IL15RA: variants seen among roughly 807,000 people sequenced by gnomAD.
IL15RA encodes interleukin 15 receptor subunit alpha.
A neutral mutation model predicts 24.2 loss-of-function variants in IL15RA; 26 were observed. The observed-to-expected ratio is 1.07, with a 90% CI of 0.79 to 1.49. The LOEUF is 1.49. IL15RA is among the 40% of genes most tolerant of loss of function. The pLI, the probability that IL15RA is intolerant of heterozygous loss-of-function variation, is 0.00. For missense variants in IL15RA, 354 were observed against 356.4 expected (o/e 0.99, Z 0.05); for synonymous variants, 166 against 157.6 (o/e 1.05, Z -0.40).
chr10:5,957,650 C>A (rs8177713), intron 5 of IL15RA, among the ~76,000 whole-genome samples: 4,054 of 147,842 alleles, frequency 0.027, 183 homozygotes, highest in African/African-American at 0.096. Flanking sequence ...TGGAGTGCAG[C>A]GGCTCGAGTT....
In IL15RA at chr10:5,968,526, G is replaced by T. The variant is rs1836998515; in HGVS notation, c.89-2187C>A. The T allele has an allele frequency of 5.9e-6, 3 of 512,512 alleles. No individual in the cohort carries two copies. In the South Asian group the frequency reaches 6.9e-5, roughly 12 times the overall value. The allele number at this position is 512,512 out of a possible 1,614,324, so 31.7% of individuals were successfully genotyped here. On this transcript the variant is annotated intron_variant, in intron 1 of 6. Coordinates refer to ENST00000379977, the MANE Select transcript of IL15RA (RefSeq NM_002189.4). The surrounding 1 kb of genome is among the most constrained non-coding windows in gnomAD (Gnocchi z 5.4). The stretch of plus-strand genomic sequence containing the variant: ...GGACACATCTTCTGCTAAGCTGATG[G>T]CGTGAGAGATGGAGTCGATCTCACA...
chr10:5,972,922 G>T lies in IL15RA; in HGVS notation c.88+4483C>A, dbSNP rs8177773. Among the ~76,000 whole-genome samples, 582 of 152,214 alleles carry T rather than the reference G, an allele frequency of 3.8e-3. 1 individual carries two copies. The highest frequency in any genetic ancestry group is 5.6e-3 in the Non-Finnish European group (384 of 68,010). On this transcript the variant is annotated intron_variant, in intron 1 of 6. Transcript: ENST00000379977. ...ATAAAAAATAAAAGGTTTGGGAAAA[G>T]ACCCCTAAAGTTCTGAAAAATGGCT...
At chr10:5,977,919 C>T (rs1838709495), upstream of IL15RA, 1 of 277,282 alleles carries the variant, frequency 3.6e-6, no homozygotes, top group African/African-American at 2.2e-5. Flanking sequence ...CTCTGCGGCT[C>T]GGATCCACTT....
In IL15RA at chr10:5,960,242, G is replaced by A; in HGVS notation, c.583+125C>T. The A allele has an allele frequency of 2.2e-6, 2 of 911,414 alleles. No homozygotes were observed. Among genetic ancestry groups the A allele is most frequent in the Non-Finnish European group, 3.5e-6 (2 of 571,710 alleles). The allele number at this position is 911,414 out of a possible 1,614,324, so 56.5% of individuals were successfully genotyped here. On this transcript the variant is annotated intron_variant, in intron 4 of 6. Transcript: ENST00000379977. The surrounding 1 kb of genome is among the most constrained non-coding windows in gnomAD (Gnocchi z 5.1). ...ACGCCGTGGCTGGTGGCCGGGGCCAGCAGGCTGCCCAGTGAATCCTGACTT... is the reference window on the plus strand; with the variant it reads ...ACGCCGTGGCTGGTGGCCGGGGCCAACAGGCTGCCCAGTGAATCCTGACTT...
At position 5,960,330 on chromosome 10, in the gene IL15RA, G is replaced by C. The variant is rs778914775; in HGVS notation, c.583+37C>G. On this transcript the variant is annotated intron_variant, in intron 4 of 6. Coordinates refer to ENST00000379977, the MANE Select transcript of IL15RA (RefSeq NM_002189.4). The surrounding 1 kb of genome is among the most constrained non-coding windows in gnomAD (Gnocchi z 5.1). ...AGCCCCGATCTCAGAAGCAGCAATG[G>C]GGAACTGACCTCTCCTGGGGCAAAG... 1 of 1,575,762 alleles carries C rather than the reference G, an allele frequency of 6.3e-7. No homozygotes were observed. Among genetic ancestry groups the C allele is most frequent in the Non-Finnish European group, 8.7e-7 (1 of 1,145,492 alleles).
At chr10:5,976,720 T>C (rs558837590) in intron 1 of IL15RA, among the ~76,000 whole-genome samples, 2 of 152,166 alleles carry the variant, frequency 1.3e-5, no homozygotes, top group Admixed American at 1.3e-4. Context: ...CGCTTTCTTC[T>C]CGAATACACC....
chr10:5,957,517 G>T (rs41294151), intron 5 of IL15RA, among the ~76,000 whole-genome samples: 13,676 of 149,202 alleles, frequency 0.092, 676 homozygotes, highest in Admixed American at 0.13. Context: ...CTCGTGATCC[G>T]CCTGCCTTAG....
rs1458383704 is a variant in IL15RA, at chr10:5,966,033, T to TTTAG, written c.283+108_283+111dup. The stretch of plus-strand genomic sequence containing the variant: ...ACCGTGCCCGGCCCCCACTGGTGTG[T>TTTAG]TTAGCCTCAGACCTCAGCACAGATC... On this transcript the variant is annotated intron_variant, in intron 2 of 6. Coordinates refer to ENST00000379977, the MANE Select transcript of IL15RA (RefSeq NM_002189.4). This position sits in a 1 kb window ranked among gnomAD's most constrained non-coding sequence, Gnocchi z 6.4. 4 of 743,504 alleles carry TTTAG rather than the reference T, an allele frequency of 5.4e-6. No individual in the cohort carries two copies. The highest frequency in any genetic ancestry group is 1.7e-5 in the African/African-American group (1 of 57,578). 46.1% of individuals were successfully genotyped at this position (743,504 alleles called of 1,614,324 possible). A position where few individuals can be genotyped will look rare whatever the true frequency, so the allele number is the denominator to read the frequency against.
chr10:5,965,901 A>C lies in IL15RA; in HGVS notation c.283+244T>G, dbSNP rs1348768044. ...ACGCCCGGCTACTTTTTGTATTTTT[A>C]GTAGAAACGGGGTTTCACCATGTTG... On this transcript the variant is annotated intron_variant, in intron 2 of 6. Coordinates refer to ENST00000379977, the MANE Select transcript of IL15RA (RefSeq NM_002189.4). The surrounding 1 kb of genome is among the most constrained non-coding windows in gnomAD (Gnocchi z 5.8). Among the ~76,000 whole-genome samples the C allele has an allele frequency of 6.6e-6, 1 of 152,110 alleles. No homozygotes were observed. Among genetic ancestry groups the C allele is most frequent in the East Asian group, 1.9e-4 (1 of 5,188 alleles).
Position 5,959,614 on chromosome 10 carries a change from A to T in IL15RA, c.616+140T>A. The T allele has an allele frequency of 4.2e-6, 3 of 718,586 alleles. No homozygotes were observed. The highest frequency in any genetic ancestry group is 2.2e-5 in the Admixed American group (1 of 45,900). 44.5% of individuals were successfully genotyped at this position (718,586 alleles called of 1,614,324 possible). ...TAAATCAGCTATTACTTAACTTATT[A>T]TCTGATGGAGGCCTTCTGAGTGTGG... On this transcript the variant is annotated intron_variant, in intron 5 of 6. Transcript: ENST00000379977. This position sits in a 1 kb window ranked among gnomAD's most constrained non-coding sequence, Gnocchi z 4.1.
At position 5,967,191 on chromosome 10, in the gene IL15RA, A is replaced by G. The variant is rs112937353; in HGVS notation, c.89-852T>C. On this transcript the variant is annotated intron_variant, in intron 1 of 6. Coordinates refer to ENST00000379977, the MANE Select transcript of IL15RA (RefSeq NM_002189.4). This position sits in a 1 kb window ranked among gnomAD's most constrained non-coding sequence, Gnocchi z 4.4. ...GCCTTGCCTTGTCTTGCCTTGCCTT[A>G]CCTTGCCTTACCTTGCCTTGCCTTT... Among the ~76,000 whole-genome samples, 781 of 139,242 alleles carry G rather than the reference A, an allele frequency of 5.6e-3. 7 individuals carry two copies. Among genetic ancestry groups the G allele is most frequent in the African/African-American group, 0.026 (754 of 29,408 alleles). 91.3% of individuals were successfully genotyped at this position (139,242 alleles called of 152,430 possible). A position where few individuals can be genotyped will look rare whatever the true frequency, so the allele number is the denominator to read the frequency against.
chr10:5,976,285 A>AGGG (rs1564525046), intron 1 of IL15RA, among the ~76,000 whole-genome samples: 2 of 144,146 alleles, frequency 1.4e-5, no homozygotes, highest in African/African-American at 2.6e-5. Context: ...TGGGGGTGGC[A>AGGG]GAGGGTGGGG....
downstream of IL15RA, among the ~76,000 whole-genome samples, chr10:5,951,679 T>C (rs760758764): frequency 6.6e-6 from 1 of 152,116 alleles, no homozygotes; most frequent in Non-Finnish European, 1.5e-5. Flanking sequence ...AATATAAATA[T>C]TAGCAGGGTG....
rs553184242 is a variant in IL15RA, at chr10:5,964,454, C to T, written c.284-613G>A. On this transcript the variant is annotated intron_variant, in intron 2 of 6. Coordinates refer to ENST00000379977, the MANE Select transcript of IL15RA (RefSeq NM_002189.4). This position sits in a 1 kb window ranked among gnomAD's most constrained non-coding sequence, Gnocchi z 5.6. ...AAGTGCTGGGATTACAGGTGTAAGC[C>T]ACCATACCTGGCTTACATTTCACTT... 2.6e-5 allele frequency among the ~76,000 whole-genome samples: 4 copies of T among 152,250 alleles called. No individual in the cohort carries two copies. Among genetic ancestry groups the T allele is most frequent in the Middle Eastern group, 3.4e-3 (1 of 294 alleles).
Position 5,959,836 on chromosome 10 carries a change from T to A in IL15RA, c.584-50A>T, listed in dbSNP as rs1476089444. On this transcript the variant is annotated intron_variant, in intron 4 of 6. Transcript: ENST00000379977. The surrounding 1 kb of genome is among the most constrained non-coding windows in gnomAD (Gnocchi z 4.1). ...ACGGCTCGAGTCCTAGAGGTCCTAG[T>A]TCCTCATGAAGCAGGAGAAAATCTG... 2 of 1,591,068 alleles carry A rather than the reference T, an allele frequency of 1.3e-6. No individual in the cohort carries two copies. The highest frequency in any genetic ancestry group is 1.7e-5 in the Admixed American group (1 of 59,666).
In IL15RA at chr10:5,961,338, A is replaced by G. The variant is rs1341007412; in HGVS notation, c.383-771T>C. Among the ~76,000 whole-genome samples the G allele has an allele frequency of 6.6e-6, 1 of 152,178 alleles. No homozygotes were observed. The highest frequency in any genetic ancestry group is 1.5e-5 in the Non-Finnish European group (1 of 68,028). On this transcript the variant is annotated intron_variant, in intron 3 of 6. Coordinates refer to ENST00000379977, the MANE Select transcript of IL15RA (RefSeq NM_002189.4). This position sits in a 1 kb window ranked among gnomAD's most constrained non-coding sequence, Gnocchi z 5.2. ...AGAATCACCTTAGCCTAGGAGTTTG[A>G]GGCTGCAGTGACCTATAATTGAGCC...
At chr10:5,976,734 C>T (rs576919914) in intron 1 of IL15RA, among the ~76,000 whole-genome samples, 1 of 152,146 alleles carries the variant, frequency 6.6e-6, no homozygotes, top group African/African-American at 2.4e-5. Context: ...ATACACCAAG[C>T]GATCACAGAT....
chr10:5,951,299 G>T (rs1027145490), downstream of IL15RA, among the ~76,000 whole-genome samples: 3 of 152,042 alleles, frequency 2.0e-5, no homozygotes, highest in African/African-American at 7.3e-5. Context: ...CTCCAGCCTG[G>T]GTGACACAGT....
chr10:5,959,520 A>G lies in IL15RA; in HGVS notation c.616+234T>C, dbSNP rs3136619. On this transcript the variant is annotated intron_variant, in intron 5 of 6. Coordinates refer to ENST00000379977, the MANE Select transcript of IL15RA (RefSeq NM_002189.4). This position sits in a 1 kb window ranked among gnomAD's most constrained non-coding sequence, Gnocchi z 4.1. ...TTGGGGTGCCAGCTCTCTGGGTTCA[A>G]CCCCAGTAGCCTGACAGCTAGAAGC... Among the ~76,000 whole-genome samples the G allele has an allele frequency of 0.17, 26,286 of 152,066 alleles. 2,464 individuals are homozygous for G. Among genetic ancestry groups the G allele is most frequent in the Middle Eastern group, 0.24 (72 of 294 alleles).
Sources: gnomAD v4.1 joint callset for allele counts (sites outside exome capture counted in the v4.1 genomes callset) on GRCh38, gnomAD v4.1.1 for gene constraint, Gnocchi (gnomAD v3.1) non-coding constraint, MANE v1.5 for transcripts, NCBI Gene and HGNC (gene_info 2026-07-23, HGNC 2026-07-21) for gene names.